The following SMARCAL1 variants were observed in gnomAD, a reference collection of about 807,000 sequenced individuals.
The protein encoded by SMARCAL1 is SNF2 related chromatin remodeling annealing helicase 1, also known as ATP-driven annealing helicase.
A neutral mutation model predicts 94.5 loss-of-function variants in SMARCAL1; 58 were observed. The observed-to-expected ratio is 0.61, with a 90% CI of 0.50 to 0.76. The LOEUF (loss-of-function observed/expected upper bound fraction) is 0.76, where lower values mean the gene tolerates loss of function less well. Ranked by LOEUF, SMARCAL1 falls within the 30% of genes least tolerant of loss-of-function variation. The probability of loss-of-function intolerance (pLI) is 0.00; values close to 1 mark genes in which losing one functional copy is unlikely to be tolerated. For synonymous variants in SMARCAL1, 422 were observed against 455.1 expected (o/e 0.93, Z 0.93); for missense variants, 1,051 against 1,177.9 (o/e 0.89, Z 1.58).
In SMARCAL1 at chr2:216,475,143, A is replaced by G; in HGVS notation, c.2245-126A>G. On this transcript the variant is annotated intron_variant, in intron 14 of 17. Coordinates refer to ENST00000357276, the MANE Select transcript of SMARCAL1 (RefSeq NM_014140.4). This position sits in a 1 kb window ranked among gnomAD's most constrained non-coding sequence, Gnocchi z 4.4. ...ATACCAATGTCAATTTGAAAAGAAA[A>G]GCTCTGAAGGCAGGGGCCTCTGCTG... 2.4e-6 allele frequency: 2 copies of G among 826,750 alleles called. No individual in the cohort carries two copies. Among genetic ancestry groups the G allele is most frequent in the South Asian group, 3.1e-5 (2 of 65,442 alleles). 51.2% of individuals were successfully genotyped at this position (826,750 alleles called of 1,614,324 possible).
At chr2:216,433,296 C>A (rs1194605672) in intron 8 of SMARCAL1, among the ~76,000 whole-genome samples, 1 of 152,126 alleles carries the variant, frequency 6.6e-6, no homozygotes, top group African/African-American at 2.4e-5. Flanking sequence ...GTTGCCCAGG[C>A]TGGTCCCAAA....
intron 9 of SMARCAL1, among the ~76,000 whole-genome samples, chr2:216,438,007 C>T (rs975614741): frequency 1.3e-5 from 2 of 152,194 alleles, no homozygotes; most frequent in African/African-American, 2.4e-5. Flanking sequence ...CACCCTGAGC[C>T]CCTGAGGGCA....
chr2:216,415,980 G>A (rs972931866), intron 3 of SMARCAL1: 12 of 444,122 alleles, frequency 2.7e-5, no homozygotes, highest in South Asian at 1.5e-4. Context: ...ACCACACTAC[G>A]ACCTGGAGAA....
At chr2:216,452,124 A>G (rs1292948326) in intron 12 of SMARCAL1, among the ~76,000 whole-genome samples, 2 of 152,204 alleles carry the variant, frequency 1.3e-5, no homozygotes, top group Non-Finnish European at 2.9e-5. Context: ...GATGGTCTGG[A>G]GTAAGTGAGC....
chr2:216,423,601 C>A (rs201358172), intron 5 of SMARCAL1, 32 bp from the exon 6 acceptor site: 4 of 1,585,986 alleles, frequency 2.5e-6, no homozygotes, highest in Non-Finnish European at 3.5e-6. Flanking sequence ...GGCAGGGTGT[C>A]CTATTTGCTT....
intron 11 of SMARCAL1, among the ~76,000 whole-genome samples, chr2:216,449,581 C>T (rs1419868985): frequency 2.0e-5 from 3 of 152,136 alleles, no homozygotes; most frequent in Non-Finnish European, 4.4e-5. Flanking sequence ...CTTTGACCAT[C>T]TCTTCCTTCT....
At chr2:216,459,441 A>G (rs1004039527) in intron 12 of SMARCAL1, among the ~76,000 whole-genome samples, 8 of 152,226 alleles carry the variant, frequency 5.3e-5, no homozygotes, top group Non-Finnish European at 1.2e-4. Flanking sequence ...ACTATACTAC[A>G]AGGCTACAGT....
At chr2:216,446,622 C>T in intron 10 of SMARCAL1, 1 of 458,006 alleles carries the variant, frequency 2.2e-6, no homozygotes, top group Non-Finnish European at 4.4e-6. Flanking sequence ...ACTCTGTGTT[C>T]TCCAGGATAC....
intron 12 of SMARCAL1, among the ~76,000 whole-genome samples, chr2:216,460,038 C>T (rs1266645972): frequency 6.6e-6 from 1 of 152,194 alleles, no homozygotes; most frequent in Non-Finnish European, 1.5e-5. Context: ...TATGAACAGA[C>T]ACTTCTCAAA....
chr2:216,443,845 G>A (rs1020268314), intron 10 of SMARCAL1, among the ~76,000 whole-genome samples: 2 of 152,122 alleles, frequency 1.3e-5, no homozygotes, highest in African/African-American at 2.4e-5. Flanking sequence ...GTTTTGGGGG[G>A]CACCACTCAG....
intron 14 of SMARCAL1, among the ~76,000 whole-genome samples, chr2:216,469,543 C>G (rs1694916282): frequency 6.6e-6 from 1 of 152,138 alleles, no homozygotes; most frequent in Non-Finnish European, 1.5e-5. Context: ...CTCGGCCTCC[C>G]AATGGAGATT....
intron 9 of SMARCAL1, among the ~76,000 whole-genome samples, chr2:216,438,153 G>A (rs1694116884): frequency 6.6e-6 from 1 of 152,212 alleles, no homozygotes; most frequent in African/African-American, 2.4e-5. Context: ...AGCCTCTGAG[G>A]TGGGCGGAGC....
chr2:216,419,866 C>T (rs772884515), intron 4 of SMARCAL1, among the ~76,000 whole-genome samples: 13 of 151,384 alleles, frequency 8.6e-5, no homozygotes, highest in Admixed American at 2.0e-4. Context: ...CCTGACTCTA[C>T]AAAAAATACG....
At chr2:216,478,546 G>C (rs1695137007) in intron 17 of SMARCAL1, among the ~76,000 whole-genome samples, 1 of 152,178 alleles carries the variant, frequency 6.6e-6, no homozygotes, top group Non-Finnish European at 1.5e-5. Flanking sequence ...GCCTCTTCCA[G>C]CAGGCCATTA....
intron 5 of SMARCAL1, among the ~76,000 whole-genome samples, chr2:216,421,337 G>C (rs993898563): frequency 3.3e-5 from 5 of 152,022 alleles, no homozygotes; most frequent in African/African-American, 1.2e-4. Context: ...TCACTCTGTT[G>C]CCCAGGCTGG....
At chr2:216,447,316 C>T (rs1220900183) in intron 11 of SMARCAL1, among the ~76,000 whole-genome samples, 158 bp downstream of exon 11, 5 of 152,108 alleles carry the variant, frequency 3.3e-5, no homozygotes, top group African/African-American at 1.2e-4. Context: ...CTTGGAATGA[C>T]CTCAGGGGTA....
At chr2:216,451,135 A>G (rs1694442188) in intron 12 of SMARCAL1, 71 bp downstream of exon 12, 1 of 1,237,362 alleles carries the variant, frequency 8.1e-7, no homozygotes. Flanking sequence ...GAGGCCCTTG[A>G]AAATGACCTG....
intron 6 of SMARCAL1, among the ~76,000 whole-genome samples, chr2:216,426,838 A>G (rs565839462): frequency 2.9e-4 from 44 of 152,296 alleles, no homozygotes; most frequent in African/African-American, 9.9e-4. Flanking sequence ...GTCCTTCCTC[A>G]TGAGTGAAAT....
chr2:216,443,935 T>G (rs1319274996), intron 10 of SMARCAL1, among the ~76,000 whole-genome samples: 1 of 152,254 alleles, frequency 6.6e-6, no homozygotes, highest in Admixed American at 6.5e-5. Context: ...AGCTTTTCTT[T>G]TTGCCCTTAG....
Sources: allele counts gnomAD v4.1 joint callset (sites outside exome capture counted in the v4.1 genomes callset), GRCh38; gene constraint gnomAD v4.1.1; non-coding constraint Gnocchi (gnomAD v3.1); transcripts MANE v1.5; gene names NCBI Gene and HGNC (gene_info 2026-07-23, HGNC 2026-07-21).